PPP1R12C: variants seen among roughly 807,000 people sequenced by gnomAD.
PPP1R12C encodes protein phosphatase 1 regulatory subunit 12C, also known as leukocyte receptor cluster (LRC) encoded novel gene 3.
Under a neutral mutation model 95.6 loss-of-function variants are expected in PPP1R12C, and 48 were observed. The ratio of observed to expected loss-of-function variants is 0.50; its 90% CI spans 0.40 to 0.64. The LOEUF is 0.64. Among genes scored for constraint, PPP1R12C ranks in the 30% least tolerant of loss-of-function variants. The probability of loss-of-function intolerance (pLI) is 0.00; values close to 1 mark genes in which losing one functional copy is unlikely to be tolerated. For synonymous variants in PPP1R12C, 480 were observed against 460.8 expected (o/e 1.04, Z -0.53); for missense variants, 1,057 against 1,083.3 (o/e 0.98, Z 0.34).
chr19:55,112,226 G>T (rs1482036102), intron 3 of PPP1R12C: 1 of 298,762 alleles, frequency 3.3e-6, no homozygotes, highest in East Asian at 5.4e-5. Flanking sequence ...TACTCAGGGG[G>T]ATTGACAGTC....
At position 55,092,801 on chromosome 19, in the gene PPP1R12C, C is replaced by T; in HGVS notation, c.1893G>A (p.Glu631=). 1 of 1,561,070 alleles carries T rather than the reference C, an allele frequency of 6.4e-7. No individual in the cohort carries two copies. Among genetic ancestry groups the T allele is most frequent in the Non-Finnish European group, 8.7e-7 (1 of 1,152,694 alleles). Residue 631 remains glutamate (E), a synonymous_variant, in exon 16 of 22, where the codon GAG becomes GAA. Coordinates refer to ENST00000263433, the MANE Select transcript of PPP1R12C (RefSeq NM_017607.4). ...AAREHRKVGK[E]WRGPAEGEEA... The stretch of plus-strand genomic sequence containing the variant: ...CCCTCACCTCCGCAGGCCCCCTCCA[C>T]TCCTTTCCGACCTTGCGGTGCTCCC...
chr19:55,113,759 C>CACGTGCCCT (rs1055048534), intron 1 of PPP1R12C: 11 of 384,386 alleles, frequency 2.9e-5, no homozygotes, highest in Non-Finnish European at 4.8e-5. Flanking sequence ...GAAGGGGCCG[C>CACGTGCCCT]ACGTGCCCTG....
intron 4 of PPP1R12C, among the ~76,000 whole-genome samples, chr19:55,100,675 C>G (rs543130757): frequency 1.3e-3 from 197 of 152,308 alleles, no homozygotes; most frequent in Non-Finnish European, 2.2e-3. Flanking sequence ...TGCAGTGGCA[C>G]GATCTCCACT....
chr19:55,113,812 A>C, intron 1 of PPP1R12C: 1 of 227,806 alleles, frequency 4.4e-6, no homozygotes, highest in Non-Finnish European at 8.5e-6. Flanking sequence ...CCCAGTTGTC[A>C]TGGCGATAGG....
chr19:55,103,388 G>T lies in PPP1R12C; in HGVS notation c.731+21C>A, dbSNP rs1042957654. On this transcript the variant is annotated intron_variant, in intron 4 of 21. Coordinates refer to ENST00000263433, the MANE Select transcript of PPP1R12C (RefSeq NM_017607.4). ...CAGGAAGGTATAAGACAGCAAGATG[G>T]AACAGACTGGCCCAACTCACCTCAT... 12 of 1,453,898 alleles carry T rather than the reference G, an allele frequency of 8.3e-6. No individual in the cohort carries two copies. In the East Asian group the frequency reaches 1.8e-4, roughly 22 times the overall value. The allele number at this position is 1,453,898 out of a possible 1,614,324, so 90.1% of individuals were successfully genotyped here.
At chr19:55,095,096 GA>G in intron 11 of PPP1R12C, 194 bp downstream of exon 11, 1 of 723,260 alleles carries the variant, frequency 1.4e-6, no homozygotes, top group Non-Finnish European at 2.3e-6. Flanking sequence ...GTGGGGGGAA[GA>G]TAGGGGAGAA....
intron 11 of PPP1R12C, 170 bp from the exon 12 acceptor site, chr19:55,094,968 C>A (rs1016261281): frequency 8.6e-6 from 7 of 812,790 alleles, no homozygotes; most frequent in Non-Finnish European, 1.2e-5. Context: ...CACTACGCAA[C>A]CGGTCAGAAG....
intron 1 of PPP1R12C, chr19:55,113,666 C>T: frequency 8.5e-7 from 1 of 1,173,126 alleles, no homozygotes; most frequent in Non-Finnish European, 1.1e-6. Flanking sequence ...CCAAGTCCCT[C>T]ACCTCTCCAA....
chr19:55,092,761 C>CG, intron 16 of PPP1R12C, 22 bp downstream of exon 16: 1 of 1,545,652 alleles, frequency 6.5e-7, no homozygotes. Context: ...TGCACCAGCT[C>CG]GGCCCCACCT....
chr19:55,109,963 C>A lies in PPP1R12C; in HGVS notation c.571+2504G>T, dbSNP rs1463861102. 6.6e-6 allele frequency among the ~76,000 whole-genome samples: 1 copy of A among 152,216 alleles called. No homozygotes were observed. Among genetic ancestry groups the A allele is most frequent in the Non-Finnish European group, 1.5e-5 (1 of 68,034 alleles). ...TGGCCCCAGTGGTCTTCGTTCCTGG[C>A]TGATCCTACAAGCCAATATCCCCCA... On this transcript the variant is annotated intron_variant, in intron 3 of 21. Coordinates refer to ENST00000263433, the MANE Select transcript of PPP1R12C (RefSeq NM_017607.4). This position sits in a 1 kb window ranked among gnomAD's most constrained non-coding sequence, Gnocchi z 4.4.
intron 3 of PPP1R12C, 33 bp downstream of exon 3, chr19:55,112,434 C>A: frequency 6.4e-7 from 1 of 1,573,274 alleles, no homozygotes; most frequent in Non-Finnish European, 8.7e-7. Context: ...GAGGAGGTGT[C>A]CCCCACCCCA....
intron 3 of PPP1R12C, chr19:55,111,696 T>G (rs998855672): frequency 2.0e-5 from 3 of 151,734 alleles, no homozygotes; most frequent in Non-Finnish European, 4.4e-5. Context: ...CTCGTCAGTC[T>G]CCCTTTCCTT....
At chr19:55,116,164 G>A (rs2085151165) in intron 1 of PPP1R12C, among the ~76,000 whole-genome samples, 1 of 152,174 alleles carries the variant, frequency 6.6e-6, no homozygotes, top group Admixed American at 6.5e-5. Context: ...GATGATGCAG[G>A]CCTACAAGAA....
At chr19:55,095,772 C>T in intron 9 of PPP1R12C, 95 bp downstream of exon 9, 1 of 1,536,226 alleles carries the variant, frequency 6.5e-7, no homozygotes, top group Non-Finnish European at 9.0e-7. Context: ...CTATAGTCTT[C>T]CCCCTATCTG....
chr19:55,111,526 G>A (rs190807789), intron 3 of PPP1R12C: 9 of 152,248 alleles, frequency 5.9e-5, no homozygotes, highest in Admixed American at 2.6e-4. Context: ...AGGGGCTCCC[G>A]AACCTCAGAT....
chr19:55,105,024 C>A (rs962492621), intron 3 of PPP1R12C, among the ~76,000 whole-genome samples: 10 of 151,294 alleles, frequency 6.6e-5, no homozygotes, highest in Non-Finnish European at 1.3e-4. Context: ...CCCGCCTCGG[C>A]CTCCCAAAGT....
intron 3 of PPP1R12C, chr19:55,111,991 G>A (rs1349161041): frequency 6.5e-6 from 1 of 153,716 alleles, no homozygotes; most frequent in African/African-American, 2.4e-5. Context: ...GCCAGACACA[G>A]TTTCAGGGGC....
At chr19:55,092,061 C>T in intron 19 of PPP1R12C, 152 bp from the exon 20 acceptor site, 2 of 1,175,156 alleles carry the variant, frequency 1.7e-6, no homozygotes, top group South Asian at 1.4e-5. Context: ...GGCCCACAGC[C>T]CCATCCCCTC....
Position 55,091,455 on chromosome 19 carries a change from G to C in PPP1R12C, c.*17C>G, listed in dbSNP as rs754979203. ...GAAGCAGCTGTATAAATACGGGTGC[G>C]GGAAAGTCCCTCCGGGTCACTTGGA... On this transcript the variant is annotated 3_prime_UTR_variant, in exon 22 of 22. Coordinates refer to ENST00000263433, the MANE Select transcript of PPP1R12C (RefSeq NM_017607.4). 6.2e-7 allele frequency: 1 copy of C among 1,608,376 alleles called. No individual in the cohort carries two copies. Among genetic ancestry groups the C allele is most frequent in the Non-Finnish European group, 8.5e-7 (1 of 1,175,284 alleles).
Sources: gnomAD v4.1 joint callset for allele counts (sites outside exome capture counted in the v4.1 genomes callset) on GRCh38, gnomAD v4.1.1 for gene constraint, Gnocchi (gnomAD v3.1) non-coding constraint, MANE v1.5 for transcripts, NCBI Gene and HGNC (gene_info 2026-07-23, HGNC 2026-07-21) for gene names.